The following VPS53 variants were observed in gnomAD, a reference collection of about 807,000 sequenced individuals.
VPS53 encodes the protein vacuolar protein sorting-associated protein 53 homolog.
Under a neutral mutation model 107.0 loss-of-function variants are expected in VPS53, and 70 were observed. The observed-to-expected ratio is 0.65, with a 90% CI of 0.54 to 0.80. The LOEUF (loss-of-function observed/expected upper bound fraction) is 0.80. Among genes scored for constraint, VPS53 ranks in the 30% least tolerant of loss-of-function variants. VPS53 has a pLI of 0.00. For synonymous variants in VPS53, 409 were observed against 393.3 expected (o/e 1.04, Z -0.47); for missense variants, 917 against 1,049.4 (o/e 0.87, Z 1.74).
chr17:551,759 T>C (rs1160996220), intron 17 of VPS53, 113 bp downstream of exon 17: 1 of 931,126 alleles, frequency 1.1e-6, no homozygotes, highest in East Asian at 3.0e-5. Flanking sequence ...TCCATTCTCC[T>C]CAGCTGATCC....
intron 7 of VPS53, among the ~76,000 whole-genome samples, chr17:650,909 A>G (rs953671165): frequency 6.6e-6 from 1 of 152,252 alleles, no homozygotes; most frequent in Non-Finnish European, 1.5e-5. Context: ...GAGAAAAAAA[A>G]TATCTAAAAT....
rs1006644779 is a variant in VPS53 at position 590,546 on chromosome 17, C to T, written c.1219-4182G>A. 2.1e-3 allele frequency among the ~76,000 whole-genome samples: 319 copies of T among 152,090 alleles called. 3 individuals carry two copies. Among genetic ancestry groups the T allele is most frequent in the Admixed American group, 0.014 (212 of 15,242 alleles). The stretch of plus-strand genomic sequence containing the variant: ...AGATAGCGCTTATGATTTTGAGATA[C>T]GTCCCATCAATACCTAATTTATTGA... On this transcript the variant is annotated intron_variant, in intron 12 of 21. Transcript: ENST00000437048.
intron 19 of VPS53, among the ~76,000 whole-genome samples, chr17:531,082 C>A (rs1041339992): frequency 2.6e-5 from 4 of 152,234 alleles, no homozygotes; most frequent in African/African-American, 9.6e-5. Flanking sequence ...ATGAACACTG[C>A]TGAGTTAACT....
At chr17:633,454 T>C (rs757366728) in intron 7 of VPS53, among the ~76,000 whole-genome samples, 1 of 152,188 alleles carries the variant, frequency 6.6e-6, no homozygotes, top group Non-Finnish European at 1.5e-5. Flanking sequence ...TTTCTAGAAA[T>C]AGCAACAGCT....
intron 4 of VPS53, among the ~76,000 whole-genome samples, chr17:670,631 T>C (rs1003880674): frequency 6.6e-6 from 1 of 152,222 alleles, no homozygotes; most frequent in Non-Finnish European, 1.5e-5. Context: ...AGCATCCCTC[T>C]GGCTCTCAGG....
At chr17:710,722 G>A (rs541225361) in intron 1 of VPS53, 109 bp from the exon 2 acceptor site, 5 of 757,682 alleles carry the variant, frequency 6.6e-6, no homozygotes, top group East Asian at 5.7e-5. Context: ...GCTCATGCCT[G>A]TAATCACAGC....
intron 4 of VPS53, among the ~76,000 whole-genome samples, chr17:667,967 G>T (rs1440797769): frequency 6.6e-6 from 1 of 152,150 alleles, no homozygotes; most frequent in Admixed American, 6.5e-5. Context: ...GATTATCTGA[G>T]GTGGAACAGT....
chr17:590,948 G>C (rs917647148), intron 12 of VPS53, among the ~76,000 whole-genome samples: 1 of 151,954 alleles, frequency 6.6e-6, no homozygotes, highest in African/African-American at 2.4e-5. Flanking sequence ...GTTTCAGAAG[G>C]AATGGTACCA....
intron 4 of VPS53, chr17:676,144 T>A (rs948512655): frequency 6.6e-6 from 1 of 152,136 alleles, no homozygotes; most frequent in Non-Finnish European, 1.5e-5. Flanking sequence ...GCAAAGGAAA[T>A]TTTATAGTTA....
At chr17:689,685 G>A (rs1019387127) in intron 4 of VPS53, among the ~76,000 whole-genome samples, 4 of 151,958 alleles carry the variant, frequency 2.6e-5, no homozygotes, top group African/African-American at 9.7e-5. Context: ...TGTTGGCCAG[G>A]CTGGTCTTAA....
chr17:597,726 T>C (rs1244253664), intron 12 of VPS53, among the ~76,000 whole-genome samples: 2 of 151,924 alleles, frequency 1.3e-5, no homozygotes, highest in Admixed American at 6.5e-5. Context: ...ATTTTTAGTA[T>C]GGTTTCACCA....
rs1220497202 is a variant in VPS53 at position 508,851 on chromosome 17, A to G, written c.*10277T>C. ...ACATTTTCATCCATAACCTTGGTTT[A>G]AAGTGCTTCCTATTTGCTGGAATAG... On this transcript the variant is annotated 3_prime_UTR_variant, in exon 22 of 22. Transcript: ENST00000437048. 1.3e-5 allele frequency: 2 copies of G among 152,262 alleles called. No individual in the cohort carries two copies. Among genetic ancestry groups the G allele is most frequent in the Non-Finnish European group, 2.9e-5 (2 of 68,048 alleles). The allele number at this position is 152,262 out of a possible 1,614,324, so 9.4% of individuals were successfully genotyped here.
chr17:648,978 G>T, intron 7 of VPS53, among the ~76,000 whole-genome samples: 1 of 71,590 alleles, frequency 1.4e-5, no homozygotes, highest in Non-Finnish European at 2.8e-5. Context: ...AGGCAATGAA[G>T]ATCTTACACT....
At chr17:680,222 A>G (rs1972334700) in intron 4 of VPS53, among the ~76,000 whole-genome samples, 1 of 152,178 alleles carries the variant, frequency 6.6e-6, no homozygotes, top group Non-Finnish European at 1.5e-5. Context: ...TGAACCCAGG[A>G]GGCAGAGGTT....
At chr17:552,032 A>G (rs1911865998) in intron 16 of VPS53, 82 bp from the exon 17 acceptor site, 3 of 1,294,872 alleles carry the variant, frequency 2.3e-6, no homozygotes, top group Non-Finnish European at 3.2e-6. Flanking sequence ...CTGTGTAAAA[A>G]TCAGATTCAT....
At position 710,545 on chromosome 17, in the gene VPS53, G is replaced by A. The variant is rs929900366; in HGVS notation, c.156C>T (p.Phe52=). 3.5e-5 allele frequency: 57 copies of A among 1,613,698 alleles called. No homozygotes were observed. The highest frequency in any genetic ancestry group is 4.7e-5 in the Non-Finnish European group (55 of 1,179,846). The part of the protein sequence containing the change: ...FNAVEYINTL[F]PTEQSLANID... Reference sequence around the variant, plus strand: ...AAACTCTACTTACTTGCTCGGTTGGGAACAGGGTATTGATATACTCAACAG... The same window carrying A: ...AAACTCTACTTACTTGCTCGGTTGGAAACAGGGTATTGATATACTCAACAG... The change falls in exon 2 of 22, where the codon TTC becomes TTT. Residue 52 remains phenylalanine (F), a synonymous_variant. Coordinates refer to ENST00000437048, the MANE Select transcript of VPS53 (RefSeq NM_001128159.3).
chr17:563,267 A>G (rs1239743254), intron 13 of VPS53, among the ~76,000 whole-genome samples: 2 of 147,624 alleles, frequency 1.4e-5, no homozygotes, highest in African/African-American at 5.0e-5. Flanking sequence ...CTTTATACCC[A>G]TCTCACTGAA....
intron 13 of VPS53, among the ~76,000 whole-genome samples, chr17:582,774 G>A (rs1270384991): frequency 2.0e-5 from 3 of 149,296 alleles, no homozygotes; most frequent in Non-Finnish European, 3.0e-5. Flanking sequence ...AACCTAATGC[G>A]TTTCCAGAGA....
At chr17:602,778 A>G (rs992337814) in intron 11 of VPS53, among the ~76,000 whole-genome samples, 3 of 152,258 alleles carry the variant, frequency 2.0e-5, no homozygotes, top group Admixed American at 2.0e-4. Flanking sequence ...CGTTAATTCC[A>G]GTACAACTAC....
Sources: allele counts gnomAD v4.1 joint callset (sites outside exome capture counted in the v4.1 genomes callset), GRCh38; gene constraint gnomAD v4.1.1; transcripts MANE v1.5; gene names NCBI Gene and HGNC (gene_info 2026-07-23, HGNC 2026-07-21).